Variants in FMN1 observed in about 807,000 individuals in gnomAD.
The protein encoded by FMN1 is formin-1.
FMN1 carries 110 observed loss-of-function variants against 132.4 expected under a neutral mutation model. The observed-to-expected ratio is 0.83, with a 90% CI of 0.71 to 0.97. The LOEUF (loss-of-function observed/expected upper bound fraction) is 0.97, where lower values mean the gene tolerates loss of function less well. Among genes scored for constraint, FMN1 ranks in the 50% least tolerant of loss-of-function variants. The pLI is 0.00. For missense variants in FMN1, 1,792 were observed against 1,705.3 expected (o/e 1.05, Z -0.90); for synonymous variants, 722 against 651.7 (o/e 1.11, Z -1.64).
intron 4 of FMN1, among the ~76,000 whole-genome samples, chr15:33,107,545 A>T (rs112553919): frequency 3.7e-4 from 56 of 152,162 alleles, no homozygotes; most frequent in African/African-American, 1.3e-3. Flanking sequence ...GCTGTTTTGT[A>T]ATGACACCAA....
At chr15:33,184,261 T>C (rs955818948) in intron 2 of FMN1, among the ~76,000 whole-genome samples, 1 of 152,210 alleles carries the variant, frequency 6.6e-6, no homozygotes, top group Admixed American at 6.5e-5. Context: ...TTAAAATTTA[T>C]CTTTGTAACG....
At chr15:32,810,185 G>T (rs1222814955) in intron 17 of FMN1, among the ~76,000 whole-genome samples, 1 of 152,218 alleles carries the variant, frequency 6.6e-6, no homozygotes. Flanking sequence ...CCAAAGTGCT[G>T]GGATTACAGG....
At chr15:33,007,878 CAG>C in intron 7 of FMN1, 134 bp downstream of exon 7, 1 of 627,720 alleles carries the variant, frequency 1.6e-6, no homozygotes, top group Middle Eastern at 2.6e-4. Flanking sequence ...TGTATAGACA[CAG>C]TGCCTACTGG....
At chr15:33,093,107 G>A (rs1259869634) in intron 4 of FMN1, among the ~76,000 whole-genome samples, 9 of 152,182 alleles carry the variant, frequency 5.9e-5, no homozygotes, top group Non-Finnish European at 1.3e-4. Context: ...AAATTACAGT[G>A]CCTTTTAAGC....
chr15:32,838,426 A>T (rs538051693), intron 17 of FMN1, among the ~76,000 whole-genome samples: 13 of 152,112 alleles, frequency 8.5e-5, no homozygotes, highest in African/African-American at 3.1e-4. Context: ...TGGCAGATTG[A>T]AGGGACCCTC....
intron 7 of FMN1, among the ~76,000 whole-genome samples, chr15:32,981,956 A>G (rs1185881703): frequency 6.6e-6 from 1 of 152,128 alleles, no homozygotes; most frequent in Non-Finnish European, 1.5e-5. Context: ...TAAGCCACAC[A>G]GGGAAAAAAT....
Position 32,769,292 on chromosome 15 carries a change from ACT to A in FMN1, c.*5016_*5017del, listed in dbSNP as rs1285510396. On this transcript the variant is annotated 3_prime_UTR_variant, in exon 21 of 21. Coordinates refer to ENST00000616417, the MANE Select transcript of FMN1 (RefSeq NM_001277313.2). ...TTGGCTTCAAATTTGACATGTTAAAACTCTCTTAAATTCATCACTTTCCAACA... is the reference window on the plus strand; with the variant it reads ...TTGGCTTCAAATTTGACATGTTAAAACTCTTAAATTCATCACTTTCCAACA... 1 of 152,142 alleles carries A rather than the reference ACT, an allele frequency of 6.6e-6. No homozygotes were observed. Among genetic ancestry groups the A allele is most frequent in the Non-Finnish European group, 1.5e-5 (1 of 68,022 alleles). 9.4% of individuals were successfully genotyped at this position (152,142 alleles called of 1,614,324 possible). A position where few individuals can be genotyped will look rare whatever the true frequency, so the allele number is the denominator to read the frequency against.
chr15:33,076,075 G>A (rs569518185), intron 5 of FMN1, among the ~76,000 whole-genome samples: 3 of 152,312 alleles, frequency 2.0e-5, no homozygotes, highest in African/African-American at 7.2e-5. Flanking sequence ...TAATGTAAAA[G>A]GGGAGAGAAA....
chr15:32,843,025 G>A (rs1366986794), intron 17 of FMN1, among the ~76,000 whole-genome samples: 1 of 152,024 alleles, frequency 6.6e-6, no homozygotes, highest in Admixed American at 6.5e-5. Context: ...TACTTGGGAG[G>A]CTGAGCCAGG....
intron 7 of FMN1, among the ~76,000 whole-genome samples, chr15:32,994,212 C>CTCTCTCTCTCTCTCT (rs2033623199): frequency 1.4e-5 from 2 of 146,390 alleles, no homozygotes; most frequent in Non-Finnish European, 3.0e-5. Flanking sequence ...AGAACTCATT[C>CTCTCTCTCTCTCTCT]CTCTCTCTCT....
intron 16 of FMN1, among the ~76,000 whole-genome samples, chr15:32,869,757 T>G (rs1303894333): frequency 6.6e-6 from 1 of 152,100 alleles, no homozygotes; most frequent in Admixed American, 6.5e-5. Flanking sequence ...TGGAGTTACA[T>G]GACCTGAGAA....
At chr15:32,866,427 C>T (rs113182692) in intron 16 of FMN1, among the ~76,000 whole-genome samples, 6 of 151,916 alleles carry the variant, frequency 3.9e-5, no homozygotes, top group Non-Finnish European at 7.4e-5. Flanking sequence ...AATAGTAAAA[C>T]GCTAGCCAAA....
chr15:33,127,932 A>G (rs80138570), intron 4 of FMN1, among the ~76,000 whole-genome samples: 4,137 of 143,122 alleles, frequency 0.029, 182 homozygotes, highest in African/African-American at 0.099. Flanking sequence ...AAATAGAAGA[A>G]GAGGCAGCAA....
chr15:32,965,163 T>G (rs1325620957), intron 8 of FMN1, among the ~76,000 whole-genome samples: 2 of 152,114 alleles, frequency 1.3e-5, no homozygotes, highest in African/African-American at 4.8e-5. Context: ...TTTGGGAGGC[T>G]GAGGTGGGCA....
chr15:33,176,573 A>G (rs1965523609), intron 3 of FMN1, among the ~76,000 whole-genome samples: 1 of 147,838 alleles, frequency 6.8e-6, no homozygotes. Context: ...TTTCCTCCAC[A>G]CTATTTCACA....
At chr15:32,988,283 C>A (rs867762252) in intron 7 of FMN1, among the ~76,000 whole-genome samples, 3 of 152,044 alleles carry the variant, frequency 2.0e-5, no homozygotes, top group South Asian at 4.1e-4. Context: ...AGAGATAAAG[C>A]GTTGGGGAAG....
At chr15:33,093,487 CAG>C (rs2038974361) in intron 4 of FMN1, among the ~76,000 whole-genome samples, 1 of 152,178 alleles carries the variant, frequency 6.6e-6, no homozygotes, top group Admixed American at 6.5e-5. Flanking sequence ...TCTAAGAAGA[CAG>C]AGCTGTGGCA....
intron 6 of FMN1, among the ~76,000 whole-genome samples, chr15:33,024,714 C>G (rs1194380433): frequency 6.6e-6 from 1 of 152,152 alleles, no homozygotes; most frequent in African/African-American, 2.4e-5. Context: ...AAATTCTACT[C>G]TAATGTTCAT....
chr15:33,092,817 G>A (rs2038950418), intron 4 of FMN1, among the ~76,000 whole-genome samples: 1 of 152,062 alleles, frequency 6.6e-6, no homozygotes. Flanking sequence ...TTTCAGCTGA[G>A]GGCTTAAACA....
Sources: allele counts gnomAD v4.1 joint callset (sites outside exome capture counted in the v4.1 genomes callset), GRCh38; gene constraint gnomAD v4.1.1; transcripts MANE v1.5; gene names NCBI Gene and HGNC (gene_info 2026-07-23, HGNC 2026-07-21).